The following RNFT1 variants were observed in gnomAD, a reference collection of about 807,000 sequenced individuals.
The protein encoded by RNFT1 is E3 ubiquitin-protein ligase RNFT1.
Under a neutral mutation model 53.2 loss-of-function variants are expected in RNFT1, and 35 were observed. The ratio of observed to expected loss-of-function variants is 0.66; its 90% confidence interval spans 0.50 to 0.87. RNFT1 has a LOEUF of 0.87. Ranked by LOEUF, RNFT1 falls within the 40% of genes least tolerant of loss-of-function variation. RNFT1 has a pLI of 0.00. For synonymous variants in RNFT1, 141 were observed against 172.8 expected, an observed-to-expected ratio of 0.82 and a Z score of 1.44; for missense variants, 421 against 515.0, an observed-to-expected ratio of 0.82 and a Z score of 1.77.
At position 59,964,242 on chromosome 17, in the gene RNFT1, T is replaced by C. The variant is rs184610285; in HGVS notation, c.56+366A>G. Among the ~76,000 whole-genome samples the C allele has an allele frequency of 4.3e-3, 661 of 152,288 alleles. 6 individuals are homozygous for C. Among genetic ancestry groups the C allele is most frequent in the African/African-American group, 0.015 (630 of 41,544 alleles). On this transcript the variant is annotated intron_variant, in intron 1 of 8. Transcript: ENST00000305783. ...CAGGGAATGTTCTGTGTCATTCTAT[T>C]TCACTCCCAGGACTGAACAGTGGTG...
chr17:59,953,331 G>A (rs1271993259), intron 8 of RNFT1, among the ~76,000 whole-genome samples: 4 of 151,868 alleles, frequency 2.6e-5, no homozygotes, highest in South Asian at 2.1e-4. Context: ...CCAAGTTGCC[G>A]GGATTACAGG....
chr17:59,961,941 A>C (rs2045296228), intron 3 of RNFT1, among the ~76,000 whole-genome samples: 1 of 133,086 alleles, frequency 7.5e-6, no homozygotes, highest in East Asian at 2.2e-4. Flanking sequence ...GCTGGAGTGC[A>C]GTGGTGCGAT....
At chr17:59,957,098 C>G (rs2045258422) in intron 6 of RNFT1, 126 bp downstream of exon 6, 1 of 931,630 alleles carries the variant, frequency 1.1e-6, no homozygotes, top group Non-Finnish European at 1.6e-6. Context: ...AAATATAGAA[C>G]CTGCTATTAC....
intron 3 of RNFT1, among the ~76,000 whole-genome samples, chr17:59,961,630 G>A (rs1457477404): frequency 6.6e-6 from 1 of 151,670 alleles, no homozygotes; most frequent in Non-Finnish European, 1.5e-5. Flanking sequence ...AGGCTGGAGT[G>A]CAGTGGCACA....
rs752123845 is a variant in RNFT1, at chr17:59,962,829, G to A, written c.512C>T (p.Thr171Ile). Residue 171 changes from threonine to isoleucine, a missense_variant and splice_region_variant, in exon 2 of 9, where the codon ACA becomes ATA. Coordinates refer to ENST00000305783, the MANE Select transcript of RNFT1 (RefSeq NM_016125.4). ...GTCAATGTTTTATTATGTCCTACCT[G>A]TTATATGCTGCATAACAAGTTTGAC... The part of the protein sequence containing the change: ...LSVKLVMQHI[T>I]GISLGIGLLT... The A allele has an allele frequency of 6.2e-6, 10 of 1,608,872 alleles. No individual in the cohort carries two copies. The highest frequency in any genetic ancestry group is 1.6e-4 in the Middle Eastern group (1 of 6,066).
At chr17:59,954,273 C>G (rs1697952179) in intron 7 of RNFT1, 127 bp from the exon 8 acceptor site, 1 of 650,632 alleles carries the variant, frequency 1.5e-6, no homozygotes, top group Non-Finnish European at 2.7e-6. Flanking sequence ...CCAAAGGATA[C>G]AAACATCTCA....
At chr17:59,954,666 T>C (rs146129677) in intron 7 of RNFT1, among the ~76,000 whole-genome samples, 5 of 152,300 alleles carry the variant, frequency 3.3e-5, no homozygotes, top group Non-Finnish European at 7.4e-5. Flanking sequence ...AATCTATTAT[T>C]TGAAAGGTCT....
intron 7 of RNFT1, 135 bp downstream of exon 7, chr17:59,956,353 T>G: frequency 1.5e-6 from 1 of 654,444 alleles, no homozygotes; most frequent in Non-Finnish European, 2.7e-6. Flanking sequence ...AGTGCCAAAG[T>G]ACTAGAAAAT....
intron 8 of RNFT1, among the ~76,000 whole-genome samples, chr17:59,953,732 G>A (rs1009124240): frequency 1.3e-5 from 2 of 152,144 alleles, no homozygotes; most frequent in Non-Finnish European, 2.9e-5. Context: ...ATAGGAAAGG[G>A]CCACAATCCA....
intron 2 of RNFT1, 95 bp downstream of exon 2, chr17:59,962,732 A>G: frequency 1.5e-6 from 2 of 1,335,878 alleles, no homozygotes. Context: ...CTCACAGAAA[A>G]TAAGTAACTG....
intron 3 of RNFT1, among the ~76,000 whole-genome samples, chr17:59,961,317 C>T (rs1215597834): frequency 6.6e-6 from 1 of 152,114 alleles, no homozygotes; most frequent in Admixed American, 6.6e-5. Context: ...AGATTACAGG[C>T]ATGAGCCACT....
chr17:59,962,690 A>G lies in RNFT1; in HGVS notation c.515-74T>C, dbSNP rs1204654421. On this transcript the variant is annotated intron_variant, in intron 2 of 8. Coordinates refer to ENST00000305783, the MANE Select transcript of RNFT1 (RefSeq NM_016125.4). ...GGATTATATAAGCTAACAATGACAC[A>G]AATTAAAAATAAACATATACAATAA... The G allele has an allele frequency of 1.4e-5, 19 of 1,368,232 alleles. No individual in the cohort carries two copies. The African/African-American group carries it at 2.0e-4, about 15-fold the overall frequency. 84.8% of individuals were successfully genotyped at this position (1,368,232 alleles called of 1,614,324 possible). A position where few individuals can be genotyped will look rare whatever the true frequency, so the allele number is the denominator to read the frequency against.
intron 3 of RNFT1, among the ~76,000 whole-genome samples, chr17:59,962,122 T>G (rs2045298237): frequency 1.3e-5 from 2 of 151,900 alleles, no homozygotes; most frequent in Non-Finnish European, 2.9e-5. Context: ...CCTGACCTCA[T>G]GATCTGCCCG....
chr17:59,962,772 A>G (rs758819984), intron 2 of RNFT1, 55 bp downstream of exon 2: 120 of 1,504,250 alleles, frequency 8.0e-5, no homozygotes, highest in Non-Finnish European at 1.1e-4. Flanking sequence ...CAATAATGAA[A>G]GAAAATTAAC....
intron 3 of RNFT1, among the ~76,000 whole-genome samples, chr17:59,960,647 T>TA (rs1359367671): frequency 6.6e-6 from 1 of 151,448 alleles, no homozygotes; most frequent in Non-Finnish European, 1.5e-5. Context: ...CTGTCTCTAC[T>TA]AAAAAAAGTA....
At chr17:59,963,346 C>G in intron 1 of RNFT1, 62 bp from the exon 2 acceptor site, 2 of 1,379,586 alleles carry the variant, frequency 1.4e-6, no homozygotes, top group Non-Finnish European at 2.0e-6. Flanking sequence ...CAGTATATTC[C>G]TCACTGGGTA....
At chr17:59,964,323 G>C (rs2045318675) in intron 1 of RNFT1, among the ~76,000 whole-genome samples, 1 of 152,198 alleles carries the variant, frequency 6.6e-6, no homozygotes, top group African/African-American at 2.4e-5. Context: ...GGCTTTCACC[G>C]AGGCCCCGAC....
chr17:59,957,352 A>G lies in RNFT1; in HGVS notation c.877T>C (p.Cys293Arg), dbSNP rs2045260424. 1 of 1,613,828 alleles carries G rather than the reference A, an allele frequency of 6.2e-7. No homozygotes were observed. Among genetic ancestry groups the G allele is most frequent in the Non-Finnish European group, 8.5e-7 (1 of 1,179,928 alleles). The change falls in exon 6 of 9, where the codon TGT (cysteine) becomes CGT (arginine). Residue 293 changes from cysteine (C) to arginine (R), a missense_variant. Coordinates refer to ENST00000305783, the MANE Select transcript of RNFT1 (RefSeq NM_016125.4). ...GYWYMLLEEL[C>R]QYYRTFVPIP... ...GGAACAAAAGTTCGGTAGTATTGACACAATTCTTCTAAAAGCATATACCAG... is the reference window on the plus strand; with the variant it reads ...GGAACAAAAGTTCGGTAGTATTGACGCAATTCTTCTAAAAGCATATACCAG...
Position 59,958,386 on chromosome 17 carries a change from C to T in RNFT1, c.751G>A (p.Val251Ile). Reference sequence around the variant, plus strand: ...TTCAGAATGAAGTCTGTAATTCCAACAATCCAAAATACTTCCCAGAAGCTC... The same window carrying T: ...TTCAGAATGAAGTCTGTAATTCCAATAATCCAAAATACTTCCCAGAAGCTC... The part of the protein sequence containing the change: ...HLSFWEVFWI[V>I]GITDFILKFF... The change falls in exon 5 of 9, where the codon GTT (valine) becomes ATT (isoleucine). Residue 251 changes from valine to isoleucine, a missense_variant. Transcript: ENST00000305783. 1 of 1,603,662 alleles carries T rather than the reference C, an allele frequency of 6.2e-7. No homozygotes were observed. Among genetic ancestry groups the T allele is most frequent in the Non-Finnish European group, 8.5e-7 (1 of 1,177,332 alleles).
Sources: gnomAD v4.1 joint callset for allele counts (sites outside exome capture counted in the v4.1 genomes callset) on GRCh38, gnomAD v4.1.1 for gene constraint, MANE v1.5 for transcripts, NCBI Gene and HGNC (gene_info 2026-07-23, HGNC 2026-07-21) for gene names.